Variants in MYOM1 observed in about 807,000 individuals in gnomAD.
MYOM1 encodes the protein myomesin-1.
MYOM1 carries 164 observed loss-of-function variants against 205.3 expected under a neutral mutation model. The ratio of observed to expected loss-of-function variants is 0.80; its 90% CI spans 0.70 to 0.91. MYOM1 has a LOEUF of 0.91. Ranked by LOEUF, MYOM1 falls within the 40% of genes least tolerant of loss-of-function variation. The pLI, the probability that MYOM1 is intolerant of heterozygous loss-of-function variation, is 0.00. For missense variants in MYOM1, 2,011 were observed against 2,127.3 expected (o/e 0.95, Z 1.08); for synonymous variants, 772 against 789.4 (o/e 0.98, Z 0.37).
rs1329074780 is a variant in MYOM1, at chr18:3,167,959, T to G, written c.1339+858A>C. Among the ~76,000 whole-genome samples, 6 of 152,240 alleles carry G rather than the reference T, an allele frequency of 3.9e-5. 1 individual carries two copies. Among genetic ancestry groups the G allele is most frequent in the Admixed American group, 1.3e-4 (2 of 15,286 alleles). ...AGAGGAACTGACAATGGAAGGATTT[T>G]CTTTCTGTTCTACCAGCCTGTTATA... On this transcript the variant is annotated intron_variant, in intron 9 of 37. Coordinates refer to ENST00000356443, the MANE Select transcript of MYOM1 (RefSeq NM_003803.4).
the MYOM1 span, among the ~76,000 whole-genome samples, chr18:3,232,723 T>A: frequency 6.6e-6 from 1 of 152,258 alleles, no homozygotes; most frequent in Non-Finnish European, 1.5e-5. Flanking sequence ...GTTCCATGCT[T>A]ACCTATAATT....
chr18:3,167,882 C>T (rs146645697), intron 9 of MYOM1, among the ~76,000 whole-genome samples: 122 of 152,294 alleles, frequency 8.0e-4, no homozygotes, highest in African/African-American at 2.7e-3. Context: ...TATCATGGCT[C>T]TAGGCCCTTT....
chr18:3,151,950 T>C (rs370402977), intron 11 of MYOM1, 57 bp from the exon 12 acceptor site: 39 of 1,520,926 alleles, frequency 2.6e-5, no homozygotes, highest in Non-Finnish European at 3.1e-5. Context: ...TTAATGAATA[T>C]CTCCAGAGCT....
At chr18:3,172,447 T>A (rs2080573411) in intron 8 of MYOM1, among the ~76,000 whole-genome samples, 1 of 151,844 alleles carries the variant, frequency 6.6e-6, no homozygotes, top group African/African-American at 2.4e-5. Context: ...CAGAGGATTG[T>A]GACGTGATCA....
chr18:3,118,563 G>A (rs35339639), intron 20 of MYOM1, among the ~76,000 whole-genome samples: 211 of 152,006 alleles, frequency 1.4e-3, no homozygotes, highest in Admixed American at 1.8e-3. Context: ...TGAACCCCTG[G>A]GCTCAGGCAA....
At chr18:3,082,092 A>T (rs2079091508) in intron 33 of MYOM1, among the ~76,000 whole-genome samples, 1 of 152,236 alleles carries the variant, frequency 6.6e-6, no homozygotes, top group African/African-American at 2.4e-5. Context: ...AGTTCACAAT[A>T]GGGTTCGCGC....
chr18:3,193,145 G>A (rs1178947216), intron 3 of MYOM1, among the ~76,000 whole-genome samples: 3 of 151,720 alleles, frequency 2.0e-5, no homozygotes, highest in Non-Finnish European at 4.4e-5. Flanking sequence ...GTGGTGGCTC[G>A]TGCCTGTGGA....
At position 3,129,404 on chromosome 18, in the gene MYOM1, C is replaced by G. The variant is rs768038869; in HGVS notation, c.2622G>C (p.Leu874Phe). The G allele has an allele frequency of 6.2e-7, 1 of 1,613,992 alleles. No homozygotes were observed. Among genetic ancestry groups the G allele is most frequent in the East Asian group, 2.2e-5 (1 of 44,878 alleles). ...AAGGTTTGTTAGGTTTGCTGCCAAG[C>G]AAAGCATCTTTCTGGAAGGTTGGCG... ...ASPPTFQKDALLGSKPNKPSL... is the reference protein window; with the variant it reads ...ASPPTFQKDAFLGSKPNKPSL... Residue 874 changes from leucine (L) to phenylalanine (F), a missense_variant, in exon 18 of 38, where the codon TTG (leucine) becomes TTC (phenylalanine). Coordinates refer to ENST00000356443, the MANE Select transcript of MYOM1 (RefSeq NM_003803.4).
At chr18:3,129,188 A>C in intron 18 of MYOM1, 44 bp downstream of exon 18, 1 of 1,582,606 alleles carries the variant, frequency 6.3e-7, no homozygotes. Context: ...AGGTGAGGAC[A>C]GTGATGGAGA....
intron 29 of MYOM1, among the ~76,000 whole-genome samples, chr18:3,087,696 G>A (rs1220394708): frequency 6.6e-6 from 1 of 152,024 alleles, no homozygotes. Context: ...CACCATGTTG[G>A]CCAGGCTGGT....
intron 8 of MYOM1, among the ~76,000 whole-genome samples, chr18:3,172,531 A>T (rs1457577714): frequency 6.6e-6 from 1 of 151,172 alleles, no homozygotes; most frequent in East Asian, 1.9e-4. Context: ...TTTTTTTGAG[A>T]TGGAGTCTCA....
At chr18:3,111,221 C>T (rs369371104) in intron 22 of MYOM1, among the ~76,000 whole-genome samples, 1 of 128,122 alleles carries the variant, frequency 7.8e-6, no homozygotes, top group Non-Finnish European at 1.7e-5. Context: ...GGATTACAGA[C>T]ATGAGCCACA....
chr18:3,112,282 A>G lies in MYOM1; in HGVS notation c.3418+16T>C. The G allele has an allele frequency of 2.5e-6, 4 of 1,608,738 alleles. No homozygotes were observed. The highest frequency in any genetic ancestry group is 3.4e-6 in the Non-Finnish European group (4 of 1,175,516). ...ACACAGATAGGATTAGTTTTAATGAAAAGGTGAAAGCCCACCTGGACGGGT... is the reference window on the plus strand; with the variant it reads ...ACACAGATAGGATTAGTTTTAATGAGAAGGTGAAAGCCCACCTGGACGGGT... On this transcript the variant is annotated intron_variant, in intron 22 of 37. Transcript: ENST00000356443.
the MYOM1 span, among the ~76,000 whole-genome samples, chr18:3,225,257 G>A: frequency 2.0e-5 from 3 of 152,134 alleles, no homozygotes; most frequent in African/African-American, 7.2e-5. Context: ...AAAGTGCCGG[G>A]ATTACAGGCG....
chr18:3,118,716 C>T (rs1396166561), intron 20 of MYOM1, among the ~76,000 whole-genome samples: 2 of 152,130 alleles, frequency 1.3e-5, no homozygotes, highest in Admixed American at 6.5e-5. Flanking sequence ...TTTCACTTTA[C>T]TCAGGAATTG....
intron 30 of MYOM1, 116 bp from the exon 31 acceptor site, chr18:3,085,248 T>C: frequency 5.4e-6 from 1 of 185,704 alleles, no homozygotes; most frequent in Non-Finnish European, 9.6e-6. Flanking sequence ...TTTTTTTTTT[T>C]TTTTTTTTTT....
In MYOM1 at chr18:3,119,753, G is replaced by A. The variant is rs991867678; in HGVS notation, c.3118+116C>T. ...ATTTTAGGTAAACACAAGGGGCCAAGAGAATTCTTTTCCCTTAAATATTGA... is the reference window on the plus strand; with the variant it reads ...ATTTTAGGTAAACACAAGGGGCCAAAAGAATTCTTTTCCCTTAAATATTGA... On this transcript the variant is annotated intron_variant, in intron 20 of 37. Coordinates refer to ENST00000356443, the MANE Select transcript of MYOM1 (RefSeq NM_003803.4). 5 of 1,318,692 alleles carry A rather than the reference G, an allele frequency of 3.8e-6. No individual in the cohort carries two copies. In the East Asian group the frequency reaches 7.7e-5, roughly 20 times the overall value. 81.7% of individuals were successfully genotyped at this position (1,318,692 alleles called of 1,614,324 possible).
Position 3,191,947 on chromosome 18 carries a change from C to A in MYOM1, c.431+1871G>T, listed in dbSNP as rs5028329. Among the ~76,000 whole-genome samples the A allele has an allele frequency of 2.0e-5, 3 of 152,050 alleles. No individual in the cohort carries two copies. The South Asian group carries it at 6.2e-4, about 31-fold the overall frequency. ...TCCTGACATTGTGATCTGCCCGCCT[C>A]AGCCTCCCAAAGTGCTGGAATTACA... On this transcript the variant is annotated intron_variant, in intron 3 of 37. Coordinates refer to ENST00000356443, the MANE Select transcript of MYOM1 (RefSeq NM_003803.4).
At chr18:3,165,518 G>A (rs1330062751) in intron 9 of MYOM1, among the ~76,000 whole-genome samples, 5 of 152,184 alleles carry the variant, frequency 3.3e-5, no homozygotes, top group African/African-American at 1.2e-4. Flanking sequence ...ATCTTTAAAT[G>A]TAACTTCTAA....
Sources: gnomAD v4.1 joint callset for allele counts (sites outside exome capture counted in the v4.1 genomes callset) on GRCh38, gnomAD v4.1.1 for gene constraint, MANE v1.5 for transcripts, NCBI Gene and HGNC (gene_info 2026-07-23, HGNC 2026-07-21) for gene names.